EYS: variants seen among roughly 807,000 people sequenced by gnomAD.
EYS encodes the protein EGF-like photoreceptor maintenance factor, also known as protein eyes shut homolog.
A neutral mutation model predicts 282.1 loss-of-function variants in EYS; 250 were observed. The ratio of observed to expected loss-of-function variants is 0.89; its 90% CI spans 0.80 to 0.98. The LOEUF (loss-of-function observed/expected upper bound fraction) is 0.98. EYS is among the 50% of genes least tolerant of loss of function. The probability of loss-of-function intolerance (pLI) is 0.00; values close to 1 mark genes in which losing one functional copy is unlikely to be tolerated. For synonymous variants in EYS, 1,355 were observed against 1,282.9 expected, an observed-to-expected ratio of 1.06 and a Z score of -1.20; for missense variants, 4,016 against 3,709.0, an observed-to-expected ratio of 1.08 and a Z score of -2.15.
intron 2 of EYS, among the ~76,000 whole-genome samples, chr6:65,610,189 G>A (rs1765945605): frequency 1.3e-5 from 2 of 152,000 alleles, no homozygotes; most frequent in Admixed American, 6.6e-5. Flanking sequence ...TTACAAATAT[G>A]AGCTGCCATG....
chr6:64,710,934 T>C (rs181023780), intron 22 of EYS, among the ~76,000 whole-genome samples: 11 of 152,308 alleles, frequency 7.2e-5, no homozygotes, highest in Admixed American at 2.0e-4. Context: ...ATGATATAGG[T>C]GCTGCCACCT....
chr6:64,216,738 G>A (rs938021676), intron 31 of EYS, among the ~76,000 whole-genome samples: 2 of 152,208 alleles, frequency 1.3e-5, no homozygotes, highest in East Asian at 3.9e-4. Context: ...TGCTGGTGAA[G>A]CATGCTTTCA....
intron 2 of EYS, among the ~76,000 whole-genome samples, chr6:65,543,461 T>C (rs1255855957): frequency 1.3e-5 from 2 of 148,264 alleles, no homozygotes; most frequent in Admixed American, 6.8e-5. Context: ...ACTATTTATA[T>C]ATTAATTATG....
At chr6:64,091,443 A>T (rs1772356749) in intron 31 of EYS, among the ~76,000 whole-genome samples, 1 of 152,192 alleles carries the variant, frequency 6.6e-6, no homozygotes, top group Admixed American at 6.6e-5. Flanking sequence ...TTTAATTAAA[A>T]GTGTTCCACT....
At chr6:64,884,976 T>A (rs945674822) in intron 19 of EYS, among the ~76,000 whole-genome samples, 2 of 151,658 alleles carry the variant, frequency 1.3e-5, no homozygotes, top group African/African-American at 4.8e-5. Context: ...TTAGCACCAC[T>A]CTTTTCCTTT....
At chr6:64,761,937 A>G (rs1053629551) in intron 22 of EYS, among the ~76,000 whole-genome samples, 1 of 152,226 alleles carries the variant, frequency 6.6e-6, no homozygotes, top group Non-Finnish European at 1.5e-5. Flanking sequence ...AAGAGTATAA[A>G]GTTTCAATTC....
chr6:65,306,499 C>T (rs537781528), intron 11 of EYS, among the ~76,000 whole-genome samples: 1 of 152,210 alleles, frequency 6.6e-6, no homozygotes, highest in African/African-American at 2.4e-5. Context: ...TTGGAATCAG[C>T]TTACAGATTC....
intron 14 of EYS, among the ~76,000 whole-genome samples, chr6:64,970,218 G>A (rs189652427): frequency 1.2e-4 from 19 of 152,002 alleles, no homozygotes; most frequent in Admixed American, 5.9e-4. Context: ...CTAGTTTATC[G>A]TATTATTCAC....
chr6:63,995,142 C>T (rs184696238), intron 34 of EYS, among the ~76,000 whole-genome samples: 66 of 151,960 alleles, frequency 4.3e-4, no homozygotes, highest in Admixed American at 4.3e-3. Flanking sequence ...GAGTTAATAT[C>T]CAAAACATAT....
chr6:64,271,713 G>GT (rs11364067), intron 30 of EYS, among the ~76,000 whole-genome samples: 55 of 151,726 alleles, frequency 3.6e-4, no homozygotes, highest in African/African-American at 1.1e-3. Context: ...TATTTTGTGG[G>GT]TTTTTTTTGC....
intron 2 of EYS, among the ~76,000 whole-genome samples, chr6:65,539,231 C>T (rs1768072599): frequency 6.6e-6 from 1 of 152,080 alleles, no homozygotes; most frequent in African/African-American, 2.4e-5. Flanking sequence ...ATTATTTGAC[C>T]TCAGAACACA....
intron 12 of EYS, among the ~76,000 whole-genome samples, chr6:65,159,676 G>A (rs923905083): frequency 6.6e-6 from 1 of 150,710 alleles, no homozygotes; most frequent in Non-Finnish European, 1.5e-5. Context: ...TCTCAGCACT[G>A]CTAAGTCACT....
At chr6:64,189,522 A>G (rs987212788) in intron 31 of EYS, among the ~76,000 whole-genome samples, 1 of 152,218 alleles carries the variant, frequency 6.6e-6, no homozygotes, top group African/African-American at 2.4e-5. Context: ...GTGCTACACT[A>G]TAGTACTCAG....
At chr6:64,307,918 A>T (rs551456360) in intron 29 of EYS, among the ~76,000 whole-genome samples, 1 of 152,174 alleles carries the variant, frequency 6.6e-6, no homozygotes, top group South Asian at 2.1e-4. Flanking sequence ...ATCAAAAGTT[A>T]CTCATGCCTA....
intron 22 of EYS, among the ~76,000 whole-genome samples, chr6:64,790,119 TC>T (rs1583161332): frequency 6.6e-6 from 1 of 152,016 alleles, no homozygotes; most frequent in Non-Finnish European, 1.5e-5. Flanking sequence ...CTAACAGGAA[TC>T]TTTTTTGCTT....
chr6:64,752,378 A>G (rs6935699), intron 22 of EYS, among the ~76,000 whole-genome samples: 15,283 of 152,116 alleles, frequency 0.1, 1,013 homozygotes, highest in East Asian at 0.24. Flanking sequence ...TGAAAGCCTT[A>G]ACAACAGACT....
intron 22 of EYS, among the ~76,000 whole-genome samples, chr6:64,644,667 A>G (rs1768288000): frequency 6.6e-6 from 1 of 152,192 alleles, no homozygotes; most frequent in African/African-American, 2.4e-5. Flanking sequence ...TGAGCAAGGA[A>G]ATTATATATG....
chr6:65,091,889 G>C (rs1774580018), intron 12 of EYS, among the ~76,000 whole-genome samples: 1 of 152,092 alleles, frequency 6.6e-6, no homozygotes, highest in Non-Finnish European at 1.5e-5. Context: ...GACTCTGTAG[G>C]AGAGAGAAAG....
intron 35 of EYS, among the ~76,000 whole-genome samples, chr6:63,909,515 A>G (rs573323661): frequency 5.0e-4 from 76 of 152,312 alleles, no homozygotes; most frequent in African/African-American, 1.8e-3. Flanking sequence ...GTTTGTACCA[A>G]CCTACTAGAG....
Sources: gnomAD v4.1 joint callset for allele counts (sites outside exome capture counted in the v4.1 genomes callset) on GRCh38, gnomAD v4.1.1 for gene constraint, MANE v1.5 for transcripts, NCBI Gene and HGNC (gene_info 2026-07-23, HGNC 2026-07-21) for gene names.